Variants in HYDIN observed in about 807,000 individuals in gnomAD.
The protein encoded by HYDIN is axonemal central pair apparatus protein HYDIN.
Under a neutral mutation model 403.9 loss-of-function variants are expected in HYDIN, and 132 were observed. The ratio of observed to expected loss-of-function variants is 0.33; its 90% confidence interval spans 0.28 to 0.38. The LOEUF (loss-of-function observed/expected upper bound fraction) is 0.38, where lower values mean the gene tolerates loss of function less well. Among genes scored for constraint, HYDIN ranks in the 10% least tolerant of loss-of-function variants. HYDIN has a pLI of 1.00. For synonymous variants in HYDIN, 1,202 were observed against 1,891.7 expected (o/e 0.64, Z 9.46); for missense variants, 2,827 against 5,009.5 (o/e 0.56, Z 13.15).
At chr16:70,861,004 T>C (rs2039377131) in intron 69 of HYDIN, 103 bp from the exon 70 acceptor site, 1 of 878,564 alleles carries the variant, frequency 1.1e-6, no homozygotes, top group South Asian at 1.6e-5. Flanking sequence ...GTGAGCTCTA[T>C]GGGAGCAGAG....
intron 18 of HYDIN, among the ~76,000 whole-genome samples, chr16:71,036,032 T>G: frequency 6.6e-6 from 1 of 151,778 alleles, no homozygotes; most frequent in Non-Finnish European, 1.5e-5. Flanking sequence ...GAGAGTTGAG[T>G]GTGCCGAGCT....
At chr16:71,067,829 T>C (rs1368890202) in intron 14 of HYDIN, among the ~76,000 whole-genome samples, 1 of 152,054 alleles carries the variant, frequency 6.6e-6, no homozygotes, top group Non-Finnish European at 1.5e-5. Context: ...ACCATGTCAG[T>C]TCCAGAAAAT....
chr16:71,004,572 C>T (rs890834164), intron 23 of HYDIN, among the ~76,000 whole-genome samples: 7 of 151,932 alleles, frequency 4.6e-5, no homozygotes, highest in African/African-American at 1.7e-4. Flanking sequence ...ATAAACTCAA[C>T]CTCATTATAT....
intron 1 of HYDIN, among the ~76,000 whole-genome samples, chr16:71,205,695 G>A (rs1001554897): frequency 6.6e-6 from 1 of 152,190 alleles, no homozygotes; most frequent in Non-Finnish European, 1.5e-5. Context: ...CTCCTACCCT[G>A]CCATTGATAG....
rs1449004205 is a variant in HYDIN, at chr16:70,805,024, A to G, written c.*2556T>C. ...TCTTAGGGATCACTTGGTGTACCAC[A>G]TTGACCATTATTGAAAAAGTACACC... On this transcript the variant is annotated 3_prime_UTR_variant, in exon 86 of 86. Transcript: ENST00000393567. Among the ~76,000 whole-genome samples, 3 of 152,228 alleles carry G rather than the reference A, an allele frequency of 2.0e-5. No homozygotes were observed. The highest frequency in any genetic ancestry group is 4.4e-5 in the Non-Finnish European group (3 of 68,046).
intron 85 of HYDIN, among the ~76,000 whole-genome samples, chr16:70,809,089 GT>G: frequency 6.6e-6 from 1 of 152,254 alleles, no homozygotes; most frequent in East Asian, 1.9e-4. Context: ...TTTATTTTAT[GT>G]TTTTAAATAG....
intron 10 of HYDIN, among the ~76,000 whole-genome samples, chr16:71,108,258 A>G (rs2083689722): frequency 6.6e-6 from 1 of 152,144 alleles, no homozygotes; most frequent in Admixed American, 6.6e-5. Context: ...CTGTACAACA[A>G]AAACAAAACT....
At chr16:71,024,137 G>C (rs1477033131) in intron 21 of HYDIN, among the ~76,000 whole-genome samples, 1 of 152,204 alleles carries the variant, frequency 6.6e-6, no homozygotes, top group African/African-American at 2.4e-5. Flanking sequence ...TGGTTTCAGT[G>C]AATCTGACCA....
chr16:70,964,245 AC>A (rs2078504782), intron 37 of HYDIN, among the ~76,000 whole-genome samples: 1 of 148,684 alleles, frequency 6.7e-6, no homozygotes, highest in African/African-American at 2.4e-5. Flanking sequence ...GTGAATGCCC[AC>A]CCCCTGCTTT....
At chr16:71,224,397 T>A (rs1037852400) in intron 1 of HYDIN, among the ~76,000 whole-genome samples, 1 of 152,034 alleles carries the variant, frequency 6.6e-6, no homozygotes, top group Non-Finnish European at 1.5e-5. Context: ...AAAGAACTCA[T>A]CCATGTAACG....
intron 39 of HYDIN, among the ~76,000 whole-genome samples, chr16:70,958,244 G>T (rs1215444135): frequency 1.3e-5 from 2 of 151,530 alleles, no homozygotes; most frequent in African/African-American, 4.8e-5. Flanking sequence ...AACAAAAGGG[G>T]AAAAATAACT....
At chr16:71,011,166 A>AC (rs1483342912) in intron 23 of HYDIN, among the ~76,000 whole-genome samples, 1 of 151,992 alleles carries the variant, frequency 6.6e-6, no homozygotes, top group African/African-American at 2.4e-5. Context: ...AAAGGAAGAG[A>AC]CCCTTAGAGA....
Position 71,062,338 on chromosome 16 carries a change from G to C in HYDIN, c.2212-5C>G. ...AGTAGGCACCTCCTCACACACCTGG[G>C]GGAGAGAAAACCAGAGGGGTAAGGA... On this transcript the variant is annotated splice_region_variant and splice_polypyrimidine_tract_variant and intron_variant, in intron 16 of 85. Coordinates refer to ENST00000393567, the MANE Select transcript of HYDIN (RefSeq NM_001270974.2). 4 of 1,598,168 alleles carry C rather than the reference G, an allele frequency of 2.5e-6. No individual in the cohort carries two copies. The highest frequency in any genetic ancestry group is 3.4e-6 in the Non-Finnish European group (4 of 1,171,468).
intron 1 of HYDIN, among the ~76,000 whole-genome samples, chr16:71,225,216 G>A (rs2040979915): frequency 6.6e-6 from 1 of 152,140 alleles, no homozygotes; most frequent in East Asian, 1.9e-4. Context: ...TGTCCTGACT[G>A]CTCTGTGATC....
At chr16:71,057,501 A>G (rs997659518) in intron 18 of HYDIN, among the ~76,000 whole-genome samples, 1 of 152,256 alleles carries the variant, frequency 6.6e-6, no homozygotes, top group Non-Finnish European at 1.5e-5. Context: ...ATACTTGATT[A>G]TTCAGAAATA....
chr16:71,049,144 A>G (rs1014506858), intron 18 of HYDIN, among the ~76,000 whole-genome samples: 4 of 152,302 alleles, frequency 2.6e-5, no homozygotes, highest in African/African-American at 9.6e-5. Flanking sequence ...GCCCGAACCT[A>G]CAGACCTACT....
At chr16:70,938,277 C>T (rs1287446154) in intron 44 of HYDIN, among the ~76,000 whole-genome samples, 2 of 152,248 alleles carry the variant, frequency 1.3e-5, no homozygotes, top group Non-Finnish European at 1.5e-5. Context: ...TGATAAGCCA[C>T]ACGCGGGGGT....
intron 46 of HYDIN, 62 bp downstream of exon 46, chr16:70,920,529 G>A: frequency 1.6e-6 from 2 of 1,288,560 alleles, no homozygotes; most frequent in Non-Finnish European, 2.2e-6. Context: ...CACCCCTGAT[G>A]ACCTTAGCAC....
intron 84 of HYDIN, among the ~76,000 whole-genome samples, chr16:70,815,970 G>A (rs1326586000): frequency 4.0e-5 from 6 of 149,128 alleles, no homozygotes; most frequent in Admixed American, 3.4e-4. Flanking sequence ...TTAGCAGGGC[G>A]TAGTGGTGTG....
Sources: gnomAD v4.1 joint callset for allele counts (sites outside exome capture counted in the v4.1 genomes callset) on GRCh38, gnomAD v4.1.1 for gene constraint, MANE v1.5 for transcripts, NCBI Gene and HGNC (gene_info 2026-07-23, HGNC 2026-07-21) for gene names.